CAMKK2: variants seen among roughly 807,000 people sequenced by gnomAD.
CAMKK2 encodes calcium/calmodulin dependent protein kinase kinase 2.
In CAMKK2, 30 loss-of-function variants were observed where a neutral mutation model predicts 67.2. The observed-to-expected ratio is 0.45, with a 90% CI of 0.33 to 0.61. The LOEUF is 0.61. CAMKK2 is among the 20% of genes least tolerant of loss of function. The pLI is 0.02. For synonymous variants in CAMKK2, 322 were observed against 326.2 expected, an observed-to-expected ratio of 0.99 and a Z score of 0.14; for missense variants, 643 against 802.0, an observed-to-expected ratio of 0.80 and a Z score of 2.39.
chr12:121,266,348 TAAG>T (rs112885224), intron 5 of CAMKK2, among the ~76,000 whole-genome samples: 7,151 of 152,170 alleles, frequency 0.047, 522 homozygotes, highest in African/African-American at 0.16. Context: ...AGACAAGAGG[TAAG>T]AAGGAGTGTT....
intron 1 of CAMKK2, among the ~76,000 whole-genome samples, chr12:121,289,436 A>T (rs1899511861): frequency 6.6e-6 from 1 of 152,156 alleles, no homozygotes; most frequent in Admixed American, 6.5e-5. Flanking sequence ...TATTATTATT[A>T]TCTTGGTTTT....
intron 15 of CAMKK2, among the ~76,000 whole-genome samples, 189 bp downstream of exon 15, chr12:121,244,951 C>T (rs1889130433): frequency 6.6e-6 from 1 of 152,264 alleles, no homozygotes; most frequent in African/African-American, 2.4e-5. Context: ...GATTAGCTGT[C>T]AGCAAAAGGA....
intron 6 of CAMKK2, among the ~76,000 whole-genome samples, chr12:121,263,466 T>C (rs1893887281): frequency 1.3e-5 from 2 of 152,148 alleles, no homozygotes; most frequent in South Asian, 2.1e-4. Flanking sequence ...TTACATCATG[T>C]GTGTGGCTGC....
intron 1 of CAMKK2, among the ~76,000 whole-genome samples, chr12:121,284,392 T>C (rs1000487040): frequency 6.6e-6 from 1 of 151,840 alleles, no homozygotes; most frequent in Non-Finnish European, 1.5e-5. Context: ...TGGTGTGATC[T>C]CGGCTCAGCG....
chr12:121,294,731 C>CA (rs1900791053), intron 1 of CAMKK2, among the ~76,000 whole-genome samples: 1 of 152,202 alleles, frequency 6.6e-6, no homozygotes, highest in African/African-American at 2.4e-5. Flanking sequence ...CTGTAAACCT[C>CA]AGTCTCCTAA....
intron 7 of CAMKK2, among the ~76,000 whole-genome samples, chr12:121,256,360 C>T (rs1346264357): frequency 1.3e-5 from 2 of 151,972 alleles, no homozygotes; most frequent in Non-Finnish European, 2.9e-5. Flanking sequence ...GCCTGGGCAA[C>T]AGAGCAAGAA....
At chr12:121,255,954 C>A in intron 7 of CAMKK2, 150 bp from the exon 8 acceptor site, 1 of 752,836 alleles carries the variant, frequency 1.3e-6, no homozygotes, top group South Asian at 1.6e-5. Flanking sequence ...CTGAACCAAG[C>A]TGGCCAAGGT....
chr12:121,257,787 C>T (rs1027833574), intron 7 of CAMKK2, among the ~76,000 whole-genome samples: 15 of 152,078 alleles, frequency 9.9e-5, no homozygotes, highest in African/African-American at 3.4e-4. Flanking sequence ...GACAACCCAG[C>T]GCTGGCCCCC....
Position 121,240,323 on chromosome 12 carries a change from C to T in CAMKK2, c.*376G>A, listed in dbSNP as rs938882385. The T allele has an allele frequency of 4.8e-6, 5 of 1,036,484 alleles. No homozygotes were observed. The highest frequency in any genetic ancestry group is 2.8e-5 in the Admixed American group (1 of 35,882). 64.2% of individuals were successfully genotyped at this position (1,036,484 alleles called of 1,614,324 possible). A position where few individuals can be genotyped will look rare whatever the true frequency, so the allele number is the denominator to read the frequency against. ...CCTCAGACCGCCGGAGTTTTCTGCT[C>T]GCCTTTCCACAGTTGTCAAACCCCA... On this transcript the variant is annotated 3_prime_UTR_variant, in exon 17 of 17. Transcript: ENST00000404169. The surrounding 1 kb of genome is among the most constrained non-coding windows in gnomAD (Gnocchi z 4.4).
In CAMKK2 at chr12:121,245,852, A is replaced by G. The variant is rs570421749; in HGVS notation, c.1453-612T>C. On this transcript the variant is annotated intron_variant, in intron 14 of 16. Coordinates refer to ENST00000404169, the MANE Select transcript of CAMKK2 (RefSeq NM_001270485.2). This position sits in a 1 kb window ranked among gnomAD's most constrained non-coding sequence, Gnocchi z 5.8. ...AACACTGATTTACCAAAAGATGCAA[A>G]CACCCAAATGCCCATCAACTGAAGA... 1.8e-4 allele frequency among the ~76,000 whole-genome samples: 28 copies of G among 152,370 alleles called. No homozygotes were observed. In the South Asian group the frequency reaches 5.6e-3, roughly 30 times the overall value.
chr12:121,261,499 C>A (rs1045816159), intron 6 of CAMKK2, among the ~76,000 whole-genome samples: 1 of 152,178 alleles, frequency 6.6e-6, no homozygotes, highest in African/African-American at 2.4e-5. Flanking sequence ...TCCCTCATCA[C>A]GTCCGCTTTC....
At chr12:121,263,753 G>C in intron 6 of CAMKK2, 53 bp downstream of exon 6, 1 of 1,536,452 alleles carries the variant, frequency 6.5e-7, no homozygotes, top group Non-Finnish European at 8.8e-7. Flanking sequence ...GGGGTGTTTG[G>C]GTATTAACAA....
intron 4 of CAMKK2, 100 bp downstream of exon 4, chr12:121,269,428 T>G: frequency 1.1e-6 from 1 of 900,526 alleles, no homozygotes; most frequent in Non-Finnish European, 1.8e-6. Flanking sequence ...AAGAATAAAA[T>G]GAGACAACAG....
rs988938768 is a variant in CAMKK2, at chr12:121,292,300, T to C, written c.-60+4338A>G. Among the ~76,000 whole-genome samples, 9 of 151,950 alleles carry C rather than the reference T, an allele frequency of 5.9e-5. No individual in the cohort carries two copies. In the East Asian group the frequency reaches 1.6e-3, roughly 27 times the overall value. On this transcript the variant is annotated intron_variant, in intron 1 of 16. Coordinates refer to ENST00000404169, the MANE Select transcript of CAMKK2 (RefSeq NM_001270485.2). ...GCTACCAGGCTCAACTAATTTTTATTGTATTTTTAGTGGGGACGGGGTTTC... is the reference window on the plus strand; with the variant it reads ...GCTACCAGGCTCAACTAATTTTTATCGTATTTTTAGTGGGGACGGGGTTTC...
At chr12:121,287,295 C>T (rs1445560301) in intron 1 of CAMKK2, among the ~76,000 whole-genome samples, 1 of 152,200 alleles carries the variant, frequency 6.6e-6, no homozygotes, top group Non-Finnish European at 1.5e-5. Context: ...TGTCCATATG[C>T]ATCACATTTT....
intron 1 of CAMKK2, among the ~76,000 whole-genome samples, chr12:121,280,669 C>G (rs936750033): frequency 2.0e-5 from 3 of 152,036 alleles, no homozygotes; most frequent in African/African-American, 7.3e-5. Flanking sequence ...AACTGGCACC[C>G]CCCGGGGCGT....
rs977761696 is a variant in CAMKK2, at chr12:121,295,426, G to A, written c.-60+1212C>T. Among the ~76,000 whole-genome samples, 8 of 152,262 alleles carry A rather than the reference G, an allele frequency of 5.3e-5. No homozygotes were observed. In the South Asian group the frequency reaches 1.2e-3, roughly 24 times the overall value. ...ATTTATTCTGAAACTGCATGTTTTTGTGGGGTGATTAGGGAAGAGGGTGGC... is the reference window on the plus strand; with the variant it reads ...ATTTATTCTGAAACTGCATGTTTTTATGGGGTGATTAGGGAAGAGGGTGGC... On this transcript the variant is annotated intron_variant, in intron 1 of 16. Transcript: ENST00000404169.
chr12:121,239,512 G>A lies in CAMKK2; in HGVS notation c.*1187C>T, dbSNP rs913326549. ...GTCTTCTCTAAAAGGGTGCCCCAAG[G>A]TTATTGTGTGGAGTCTAGGGAAGCT... On this transcript the variant is annotated 3_prime_UTR_variant, in exon 17 of 17. Coordinates refer to ENST00000404169, the MANE Select transcript of CAMKK2 (RefSeq NM_001270485.2). 6.6e-6 allele frequency: 1 copy of A among 152,190 alleles called. No individual in the cohort carries two copies. Among genetic ancestry groups the A allele is most frequent in the African/African-American group, 2.4e-5 (1 of 41,440 alleles). 9.4% of individuals were successfully genotyped at this position (152,190 alleles called of 1,614,324 possible).
chr12:121,296,808 G>C (rs1901368257), upstream of CAMKK2: 1 of 144,058 alleles, frequency 6.9e-6, no homozygotes, highest in East Asian at 2.2e-4. The surrounding 1 kb of genome is among the most constrained non-coding windows in gnomAD (Gnocchi z 7.1). Flanking sequence ...TCGCCGCCCC[G>C]GGCAGCGCGG....
Sources: gnomAD v4.1 joint callset for allele counts (sites outside exome capture counted in the v4.1 genomes callset) on GRCh38, gnomAD v4.1.1 for gene constraint, Gnocchi (gnomAD v3.1) non-coding constraint, MANE v1.5 for transcripts, NCBI Gene and HGNC (gene_info 2026-07-23, HGNC 2026-07-21) for gene names.